The following HSPH1 variants were observed in gnomAD, a reference collection of about 807,000 sequenced individuals.
HSPH1 encodes the protein heat shock protein family H (Hsp110) member 1.
HSPH1 carries 40 observed loss-of-function variants against 100.0 expected under a neutral mutation model. That is an observed-to-expected ratio of 0.40 (90% CI 0.31 to 0.52). The LOEUF (loss-of-function observed/expected upper bound fraction) is 0.52. Among genes scored for constraint, HSPH1 ranks in the 20% least tolerant of loss-of-function variants. The pLI is 0.54. For synonymous variants in HSPH1, 403 were observed against 344.0 expected (o/e 1.17, Z -1.90); for missense variants, 876 against 1,015.1 (o/e 0.86, Z 1.86).
chr13:31,149,162 T>C (rs971920081), intron 8 of HSPH1, among the ~76,000 whole-genome samples: 5 of 152,102 alleles, frequency 3.3e-5, no homozygotes, highest in Non-Finnish European at 7.4e-5. Flanking sequence ...GCATATTCCA[T>C]TATGAAGAAA....
chr13:31,151,237 T>C (rs3736861), intron 6 of HSPH1, 46 bp from the exon 7 acceptor site: 367,633 of 1,465,218 alleles, frequency 0.25, 49,277 homozygotes, highest in East Asian at 0.46. Context: ...TTCAATCACA[T>C]TTGTAACTAG....
chr13:31,160,680 T>A (rs1218905156), intron 1 of HSPH1, among the ~76,000 whole-genome samples: 1 of 152,222 alleles, frequency 6.6e-6, no homozygotes, highest in Non-Finnish European at 1.5e-5. Context: ...CATCCTCTTT[T>A]GGCGTCCTAG....
rs147025391 is a variant in HSPH1, at chr13:31,138,389, C to A, written c.2370+18G>T. ...CCGTAAGTGAACCCAGCAGTAAACA[C>A]GAGACAGTAACACTCACCTTGATTT... On this transcript the variant is annotated intron_variant, in intron 17 of 17. Transcript: ENST00000320027. 6.2e-7 allele frequency: 1 copy of A among 1,609,794 alleles called. No homozygotes were observed. Among genetic ancestry groups the A allele is most frequent in the East Asian group, 2.2e-5 (1 of 44,756 alleles).
At chr13:31,158,327 G>A (rs1956771452) in intron 2 of HSPH1, among the ~76,000 whole-genome samples, 1 of 152,100 alleles carries the variant, frequency 6.6e-6, no homozygotes, top group South Asian at 2.1e-4. Flanking sequence ...GAGACAGATG[G>A]ATCACGAGCT....
At chr13:31,158,943 A>T in intron 1 of HSPH1, 80 bp from the exon 2 acceptor site, 1 of 876,844 alleles carries the variant, frequency 1.1e-6, no homozygotes, top group South Asian at 1.4e-5. Flanking sequence ...TACTAACATA[A>T]ATGTCCTACC....
chr13:31,151,089 C>T lies in HSPH1; in HGVS notation c.766G>A (p.Ala256Thr). 1.2e-6 allele frequency: 2 copies of T among 1,613,720 alleles called. No individual in the cohort carries two copies. The highest frequency in any genetic ancestry group is 1.7e-6 in the Non-Finnish European group (2 of 1,179,784). ...AGGAGTGCTCGTATTTTGGATTTTG[C>T]ATCCAACTTGTACTTAGTTTTAAAT... ...AEFKTKYKLD[A>T]KSKIRALLRL... The change falls in exon 7 of 18, where the codon GCA becomes ACA. Residue 256 changes from alanine (A) to threonine (T), a missense_variant. By Grantham distance (58) the Ala-to-Thr change is moderately conservative (BLOSUM62 0). Coordinates refer to ENST00000320027, the MANE Select transcript of HSPH1 (RefSeq NM_006644.4).
At chr13:31,151,892 C>A (rs1322000094) in intron 5 of HSPH1, 150 bp from the exon 6 acceptor site, 2 of 610,462 alleles carry the variant, frequency 3.3e-6, no homozygotes, top group South Asian at 4.3e-5. Flanking sequence ...TGACTTCACA[C>A]TGATTTTCTT....
At chr13:31,160,131 AT>A (rs1566019463) in intron 1 of HSPH1, among the ~76,000 whole-genome samples, 3 of 151,940 alleles carry the variant, frequency 2.0e-5, no homozygotes, top group South Asian at 2.1e-4. Context: ...GTATAACACA[AT>A]TTTTTTTCCC....
At chr13:31,155,433 AT>A in intron 3 of HSPH1, 80 bp downstream of exon 3, 1 of 1,172,160 alleles carries the variant, frequency 8.5e-7, no homozygotes, top group Admixed American at 2.6e-5. Context: ...TAATTAAGAA[AT>A]TTAAGTAATA....
rs1956076539 is a variant in HSPH1 at position 31,141,216 on chromosome 13, G to A, written c.1760C>T (p.Pro587Leu). ...CTCAACATTCACCACCTTTATTTTG[G>A]GCTTTTTAGCTTCTGGAGGCTGGTC... ...KVDQPPEAKK[P>L]KIKVVNVELP... The change falls in exon 13 of 18, where the codon CCC becomes CTC. Residue 587 changes from proline (P) to leucine (L), a missense_variant. By Grantham distance (98) the Pro-to-Leu change is moderately conservative (BLOSUM62 -3). Coordinates refer to ENST00000320027, the MANE Select transcript of HSPH1 (RefSeq NM_006644.4). 6.2e-7 allele frequency: 1 copy of A among 1,608,694 alleles called. No homozygotes were observed. Among genetic ancestry groups the A allele is most frequent in the African/African-American group, 1.3e-5 (1 of 74,610 alleles).
Position 31,150,977 on chromosome 13 carries a change from T to C in HSPH1, c.878A>G (p.Asn293Ser). 6.2e-7 allele frequency: 1 copy of C among 1,612,720 alleles called. No homozygotes were observed. Among genetic ancestry groups the C allele is most frequent in the East Asian group, 2.2e-5 (1 of 44,866 alleles). The change falls in exon 7 of 18, where the codon AAT becomes AGT. Residue 293 changes from asparagine (N) to serine (S), a missense_variant. Physicochemically the swap from Asn to Ser is conservative, Grantham distance 46. Coordinates refer to ENST00000320027, the MANE Select transcript of HSPH1 (RefSeq NM_006644.4). Reference sequence around the variant, plus strand: ...CATCTTTCCGGAAACATCTTTATCATTCATAAAGCATTCGATATTCAGTGG... The same window carrying C: ...CATCTTTCCGGAAACATCTTTATCACTCATAAAGCATTCGATATTCAGTGG... ...DLPLNIECFM[N>S]DKDVSGKMNR...
At chr13:31,155,683 T>C (rs751086761) in intron 2 of HSPH1, 29 bp from the exon 3 acceptor site, 5 of 1,563,820 alleles carry the variant, frequency 3.2e-6, no homozygotes, top group Non-Finnish European at 4.3e-6. Flanking sequence ...GATTTTAATT[T>C]TTTTCTTTAA....
chr13:31,152,521 C>A, intron 5 of HSPH1: 4 of 227,932 alleles, frequency 1.8e-5, no homozygotes, highest in Admixed American at 5.3e-5. Context: ...ACTTATAAGC[C>A]AAGGTAGTTT....
Position 31,158,795 on chromosome 13 carries a change from A to G in HSPH1, c.165+11T>C. On this transcript the variant is annotated intron_variant, in intron 2 of 17. Coordinates refer to ENST00000320027, the MANE Select transcript of HSPH1 (RefSeq NM_006644.4). Reference sequence around the variant, plus strand: ...CTTAAAAAGTGATCCGAATTCTCTTAAAGAACATACCTGATTTTTGGCTGC... The same window carrying G: ...CTTAAAAAGTGATCCGAATTCTCTTGAAGAACATACCTGATTTTTGGCTGC... 1.9e-6 allele frequency: 3 copies of G among 1,581,494 alleles called. No homozygotes were observed. Among genetic ancestry groups the G allele is most frequent in the Non-Finnish European group, 2.6e-6 (3 of 1,150,388 alleles).
At chr13:31,142,078 T>C (rs973364263) in intron 12 of HSPH1, among the ~76,000 whole-genome samples, 1 of 152,038 alleles carries the variant, frequency 6.6e-6, no homozygotes, top group Non-Finnish European at 1.5e-5. Flanking sequence ...AGAACACAAC[T>C]GAGCAGACTC....
chr13:31,153,599 A>G (rs1956564923), intron 4 of HSPH1, among the ~76,000 whole-genome samples: 1 of 152,212 alleles, frequency 6.6e-6, no homozygotes, highest in Non-Finnish European at 1.5e-5. Context: ...CTTCTAGTGC[A>G]GCACTTCAGG....
rs956622487 is a variant in HSPH1, at chr13:31,135,323, A to G, written c.*1995T>C. 1 of 152,230 alleles carries G rather than the reference A, an allele frequency of 6.6e-6. No homozygotes were observed. Among genetic ancestry groups the G allele is most frequent in the African/African-American group, 2.4e-5 (1 of 41,462 alleles). 9.4% of individuals were successfully genotyped at this position (152,230 alleles called of 1,614,324 possible). A position where few individuals can be genotyped will look rare whatever the true frequency, so the allele number is the denominator to read the frequency against. ...CTTTTTTAATGGATGTCCTAATTGTACACAGAACACAAACCTATCTTCACT... is the reference window on the plus strand; with the variant it reads ...CTTTTTTAATGGATGTCCTAATTGTGCACAGAACACAAACCTATCTTCACT... On this transcript the variant is annotated 3_prime_UTR_variant, in exon 18 of 18. Transcript: ENST00000320027.
intron 2 of HSPH1, among the ~76,000 whole-genome samples, chr13:31,156,422 G>C (rs753265338): frequency 2.8e-4 from 42 of 152,042 alleles, no homozygotes; most frequent in Admixed American, 2.4e-3. Context: ...TTTATAGCTG[G>C]GCATGGCAGC....
Position 31,151,021 on chromosome 13 carries a change from G to A in HSPH1, c.834C>T (p.Ser278=). The A allele has an allele frequency of 6.2e-7, 1 of 1,613,662 alleles. No homozygotes were observed. The highest frequency in any genetic ancestry group is 8.5e-7 in the Non-Finnish European group (1 of 1,179,686). Residue 278 remains serine, a synonymous_variant, in exon 7 of 18, where the codon AGC becomes AGT. Transcript: ENST00000320027. ...TCAGTGGAAGGTCTGTGCTGTTAGA[G>A]CTCATTAGCTTTTTCAGTTTTTCAC... ...QECEKLKKLM[S]SNSTDLPLNI... is the part of the protein sequence containing the mutation.
Sources: gnomAD v4.1 joint callset for allele counts (sites outside exome capture counted in the v4.1 genomes callset) on GRCh38, gnomAD v4.1.1 for gene constraint, MANE v1.5 for transcripts, NCBI Gene and HGNC (gene_info 2026-07-23, HGNC 2026-07-21) for gene names.